IL1RAPL1: variants seen among roughly 807,000 people sequenced by gnomAD.
IL1RAPL1 encodes interleukin 1 receptor accessory protein like 1, also known as interleukin-1 receptor accessory protein-like 1.
Under a neutral mutation model 48.4 loss-of-function variants are expected in IL1RAPL1, and 3 were observed. The ratio of observed to expected loss-of-function variants is 0.06; its 90% confidence interval spans 0.03 to 0.16. IL1RAPL1 has a LOEUF of 0.16. IL1RAPL1 is among the 10% of genes least tolerant of loss of function. IL1RAPL1 has a pLI of 1.00. For synonymous variants in IL1RAPL1, 185 were observed against 187.7 expected, an observed-to-expected ratio of 0.99 and a Z score of 0.12; for missense variants, 349 against 530.6, an observed-to-expected ratio of 0.66 and a Z score of 3.36.
At chrX:28,952,025 T>C (rs1023023101) in intron 2 of IL1RAPL1, among the ~76,000 whole-genome samples, 2 of 110,898 alleles carry the variant, frequency 1.8e-5, no homozygotes, top group Non-Finnish European at 3.8e-5. Flanking sequence ...GGCAAGTTAC[T>C]TATTCTTTTA....
intron 3 of IL1RAPL1, among the ~76,000 whole-genome samples, chrX:29,349,136 G>A (rs1933189909): frequency 1.8e-5 from 2 of 112,296 alleles, no homozygotes; most frequent in African/African-American, 3.2e-5. Context: ...AGACAGCCAC[G>A]CAGAAATATG....
chrX:29,332,938 A>T (rs1305469582), intron 3 of IL1RAPL1, among the ~76,000 whole-genome samples: 1 of 109,925 alleles, frequency 9.1e-6, no homozygotes, highest in East Asian at 2.8e-4. Context: ...GACACAGCAC[A>T]TGTTTCAGAG....
chrX:29,727,760 A>G (rs747850798), intron 6 of IL1RAPL1, among the ~76,000 whole-genome samples: 18 of 111,682 alleles, frequency 1.6e-4, no homozygotes, highest in African/African-American at 5.9e-4. Context: ...TTTACAAGCA[A>G]TTGGCAAGTG....
chrX:29,381,557 G>A (rs1933701043), intron 3 of IL1RAPL1, among the ~76,000 whole-genome samples: 1 of 86,854 alleles, frequency 1.2e-5, no homozygotes, highest in Non-Finnish European at 2.1e-5. Context: ...GCATGCACCT[G>A]TAGTCCCAGC....
chrX:29,095,704 A>G (rs1928198479), intron 2 of IL1RAPL1, among the ~76,000 whole-genome samples: 1 of 111,170 alleles, frequency 9.0e-6, no homozygotes, highest in Non-Finnish European at 1.9e-5. Flanking sequence ...TACCTTTTCA[A>G]AAGGATAGGT....
At chrX:29,500,483 A>G (rs1935260685) in intron 5 of IL1RAPL1, among the ~76,000 whole-genome samples, 1 of 110,945 alleles carries the variant, frequency 9.0e-6, no homozygotes, top group African/African-American at 3.3e-5. Context: ...TCTTTATGAG[A>G]TCTACTTTTT....
intron 3 of IL1RAPL1, among the ~76,000 whole-genome samples, chrX:29,337,895 G>C (rs1278975216): frequency 9.0e-6 from 1 of 110,917 alleles, no homozygotes; most frequent in Non-Finnish European, 1.9e-5. Flanking sequence ...GGCTGGTCTC[G>C]AACTCCTGAC....
chrX:28,917,743 G>T lies in IL1RAPL1; in HGVS notation c.82+128318G>T, dbSNP rs746398009. Among the ~76,000 whole-genome samples the T allele has an allele frequency of 3.6e-5, 4 of 112,340 alleles. No homozygotes were observed. The South Asian group carries it at 1.4e-3, about 41-fold the overall frequency. ...GAAAATAAATAATTATTGGCTTACT[G>T]TGTTTTTTAAAATTGTGGTATACCA... On this transcript the variant is annotated intron_variant, in intron 2 of 10. Coordinates refer to ENST00000378993, the MANE Select transcript of IL1RAPL1 (RefSeq NM_014271.4).
intron 1 of IL1RAPL1, among the ~76,000 whole-genome samples, chrX:28,683,906 T>C (rs771659449): frequency 8.9e-5 from 10 of 112,067 alleles, no homozygotes; most frequent in Non-Finnish European, 1.5e-4. Flanking sequence ...TTAAGGATTC[T>C]TGTGGGCCCA....
intron 2 of IL1RAPL1, among the ~76,000 whole-genome samples, chrX:29,111,755 A>G (rs1569239204): frequency 9.0e-6 from 1 of 111,008 alleles, no homozygotes; most frequent in African/African-American, 3.3e-5. Context: ...ATATTGTTCT[A>G]AAGCCTTCAT....
chrX:28,891,264 G>A (rs185843248), intron 2 of IL1RAPL1, among the ~76,000 whole-genome samples: 10 of 111,713 alleles, frequency 9.0e-5, no homozygotes, highest in Non-Finnish European at 1.9e-4. Context: ...ATTAAGGACC[G>A]TGTGTCTAAT....
At chrX:29,566,462 A>C (rs917965269) in intron 5 of IL1RAPL1, among the ~76,000 whole-genome samples, 1 of 111,596 alleles carries the variant, frequency 9.0e-6, no homozygotes, top group Non-Finnish European at 1.9e-5. Context: ...AAATAACACT[A>C]GATAATTTGA....
chrX:28,740,372 A>T (rs1935892699), intron 1 of IL1RAPL1, among the ~76,000 whole-genome samples: 1 of 112,148 alleles, frequency 8.9e-6, no homozygotes, highest in African/African-American at 3.2e-5. Flanking sequence ...ATAGGGTTTG[A>T]CTTTGTGTAT....
At chrX:29,397,800 T>C (rs1933937426) in intron 4 of IL1RAPL1, among the ~76,000 whole-genome samples, 1 of 111,495 alleles carries the variant, frequency 9.0e-6, no homozygotes, top group Non-Finnish European at 1.9e-5. Context: ...AGCTTCTAAA[T>C]ATGCAGTGTC....
At chrX:29,283,352 G>A in intron 3 of IL1RAPL1, 135 bp downstream of exon 3, 3 of 596,017 alleles carry the variant, frequency 5.0e-6, no homozygotes, top group Non-Finnish European at 7.9e-6. Context: ...CTAAAATTTA[G>A]AATCAAAATC....
At chrX:29,613,930 AT>A (rs746942388) in intron 5 of IL1RAPL1, among the ~76,000 whole-genome samples, 2 of 107,293 alleles carry the variant, frequency 1.9e-5, no homozygotes, top group Admixed American at 2.0e-4. Context: ...CGCCCGGCTA[AT>A]TTTTTGTATT....
At position 29,719,812 on chromosome X, in the gene IL1RAPL1, G is replaced by A. The variant is rs765634379; in HGVS notation, c.778+51308G>A. 3.8e-4 allele frequency among the ~76,000 whole-genome samples: 40 copies of A among 106,409 alleles called. 1 individual carries two copies. The highest frequency in any genetic ancestry group is 5.0e-3 in the Middle Eastern group (1 of 201). 92.4% of individuals were successfully genotyped at this position (106,409 alleles called of 115,157 possible). A position where few individuals can be genotyped will look rare whatever the true frequency, so the allele number is the denominator to read the frequency against. ...TGTGTGACCTCAAAACCTGCCAAGA[G>A]TCCTCAGTGCAGCCCACTCTGAAGA... is the stretch of plus-strand genomic sequence containing the variant. On this transcript the variant is annotated intron_variant, in intron 6 of 10. Transcript: ENST00000378993.
intron 2 of IL1RAPL1, among the ~76,000 whole-genome samples, chrX:29,051,784 G>A (rs1198087573): frequency 8.9e-6 from 1 of 112,379 alleles, no homozygotes; most frequent in African/African-American, 3.2e-5. Context: ...TCAATAAGTA[G>A]GCTTTATTCA....
At chrX:28,600,602 A>C (rs1934013264) in intron 1 of IL1RAPL1, among the ~76,000 whole-genome samples, 3 of 111,097 alleles carry the variant, frequency 2.7e-5, no homozygotes, top group South Asian at 7.7e-4. Flanking sequence ...TGGGTTGTAC[A>C]GGACCAGGCT....
Sources: gnomAD v4.1 joint callset for allele counts (sites outside exome capture counted in the v4.1 genomes callset) on GRCh38, gnomAD v4.1.1 for gene constraint, MANE v1.5 for transcripts, NCBI Gene and HGNC (gene_info 2026-07-23, HGNC 2026-07-21) for gene names.